Variants in NCKAP5 observed in about 807,000 individuals in gnomAD.
The protein encoded by NCKAP5 is NCK associated protein 5, also known as nck-associated protein 5.
A neutral mutation model predicts 167.0 loss-of-function variants in NCKAP5; 92 were observed. The ratio of observed to expected loss-of-function variants is 0.55; its 90% CI spans 0.47 to 0.66. The LOEUF is 0.66. NCKAP5 is among the 30% of genes least tolerant of loss of function. The pLI is 0.00. For synonymous variants in NCKAP5, 891 were observed against 877.4 expected (o/e 1.02, Z -0.27); for missense variants, 2,378 against 2,315.0 (o/e 1.03, Z -0.56).
intron 3 of NCKAP5, among the ~76,000 whole-genome samples, chr2:133,330,244 ATTTTT>A (rs765058418): frequency 1.1e-5 from 1 of 88,168 alleles, no homozygotes; most frequent in Admixed American, 1.7e-4. Context: ...TATTTTTTGT[ATTTTT>A]TTTTTTTTTT....
intron 3 of NCKAP5, among the ~76,000 whole-genome samples, chr2:133,403,887 A>ATG (rs138024785): frequency 0.28 from 41,691 of 148,090 alleles, 5,972 homozygotes; most frequent in African/African-American, 0.38. Context: ...AGTCAGGTGG[A>ATG]TGTGTGTGTG....
intron 8 of NCKAP5, among the ~76,000 whole-genome samples, chr2:132,919,317 G>A (rs1387015267): frequency 6.6e-6 from 1 of 152,138 alleles, no homozygotes; most frequent in Non-Finnish European, 1.5e-5. Flanking sequence ...AGAATACCAA[G>A]ATTATAGTAC....
intron 3 of NCKAP5, among the ~76,000 whole-genome samples, chr2:133,374,630 G>A (rs1456148535): frequency 6.6e-6 from 1 of 151,854 alleles, no homozygotes; most frequent in African/African-American, 2.4e-5. Flanking sequence ...CAGTGGGTGG[G>A]GGATATTGGT....
At chr2:132,812,125 T>A (rs1454070919) in intron 11 of NCKAP5, among the ~76,000 whole-genome samples, 1 of 152,122 alleles carries the variant, frequency 6.6e-6, no homozygotes, top group Non-Finnish European at 1.5e-5. Context: ...ATTTGGGGCA[T>A]CTCCTGGGTC....
chr2:132,730,474 G>A (rs1311641749), intron 17 of NCKAP5, among the ~76,000 whole-genome samples: 1 of 152,172 alleles, frequency 6.6e-6, no homozygotes, highest in Admixed American at 6.5e-5. Flanking sequence ...CAGCCTGGGC[G>A]ACGGAGTGAG....
chr2:132,827,746 T>G (rs1687232894), intron 11 of NCKAP5, among the ~76,000 whole-genome samples: 1 of 152,176 alleles, frequency 6.6e-6, no homozygotes, highest in Non-Finnish European at 1.5e-5. Flanking sequence ...GTTCATAGGA[T>G]TCTCGGTCTG....
intron 4 of NCKAP5, among the ~76,000 whole-genome samples, chr2:133,261,431 A>T (rs908895341): frequency 3.9e-5 from 6 of 152,218 alleles, no homozygotes; most frequent in African/African-American, 1.4e-4. Flanking sequence ...TATTTCACAG[A>T]TATCAATACT....
intron 6 of NCKAP5, among the ~76,000 whole-genome samples, chr2:133,061,222 A>G (rs1355297721): frequency 6.6e-6 from 1 of 152,232 alleles, no homozygotes; most frequent in African/African-American, 2.4e-5. Flanking sequence ...AACTTAGTTG[A>G]TAAAGCAGTG....
At chr2:132,933,876 C>G (rs747293802) in intron 8 of NCKAP5, among the ~76,000 whole-genome samples, 4 of 152,152 alleles carry the variant, frequency 2.6e-5, no homozygotes, top group Non-Finnish European at 5.9e-5. Context: ...ACAACAATAG[C>G]TCTAATTTAA....
intron 7 of NCKAP5, among the ~76,000 whole-genome samples, chr2:132,979,953 C>T (rs2077082202): frequency 6.6e-6 from 1 of 151,672 alleles, no homozygotes; most frequent in Non-Finnish European, 1.5e-5. Flanking sequence ...TCAGCCAAGC[C>T]TTGCAGTACA....
chr2:133,385,566 T>C (rs2150966641), intron 3 of NCKAP5, among the ~76,000 whole-genome samples: 1 of 152,352 alleles, frequency 6.6e-6, no homozygotes, highest in South Asian at 2.1e-4. Flanking sequence ...CCTCATAAAA[T>C]GAGTTAGGGA....
At chr2:132,742,091 C>G (rs896607676) in intron 16 of NCKAP5, among the ~76,000 whole-genome samples, 2 of 152,154 alleles carry the variant, frequency 1.3e-5, no homozygotes, top group Non-Finnish European at 2.9e-5. Context: ...CAACAATCTA[C>G]TCATGCCCAT....
chr2:132,827,839 T>C (rs1687239104), intron 11 of NCKAP5, among the ~76,000 whole-genome samples: 1 of 152,314 alleles, frequency 6.6e-6, no homozygotes, highest in African/African-American at 2.4e-5. Context: ...TTAAATGTAT[T>C]TCAGCTGAGT....
rs187507012 is a variant in NCKAP5 at position 132,895,138 on chromosome 2, T to C, written c.580-16222A>G. Among the ~76,000 whole-genome samples the C allele has an allele frequency of 7.7e-4, 117 of 152,086 alleles. 2 individuals are homozygous for C. Among genetic ancestry groups the C allele is most frequent in the African/African-American group, 2.2e-3 (93 of 41,518 alleles). Reference sequence around the variant, plus strand: ...CAAGGTCAGGAGATGGAGACCTTCCTGGCTAACACGGTGAAACCCCGTCTC... The same window carrying C: ...CAAGGTCAGGAGATGGAGACCTTCCCGGCTAACACGGTGAAACCCCGTCTC... On this transcript the variant is annotated intron_variant, in intron 8 of 19. Coordinates refer to ENST00000409261, the MANE Select transcript of NCKAP5 (RefSeq NM_207363.3).
intron 19 of NCKAP5, 118 bp downstream of exon 19, chr2:132,725,509 G>C (rs955083508): frequency 8.1e-7 from 1 of 1,242,144 alleles, no homozygotes; most frequent in Non-Finnish European, 1.1e-6. Context: ...GATCTCAGGA[G>C]AGACATGAAG....
At chr2:133,429,777 T>C (rs920955939) in intron 3 of NCKAP5, among the ~76,000 whole-genome samples, 7 of 152,116 alleles carry the variant, frequency 4.6e-5, no homozygotes, top group African/African-American at 1.2e-4. Context: ...GATGAACACA[T>C]GGCAATACAG....
chr2:133,446,420 C>G (rs1049071257), intron 3 of NCKAP5, among the ~76,000 whole-genome samples: 1 of 152,140 alleles, frequency 6.6e-6, no homozygotes, highest in African/African-American at 2.4e-5. Context: ...GTTGCTAAGC[C>G]CTTTTCGTGT....
At chr2:133,543,549 T>G (rs1686404187) in intron 2 of NCKAP5, among the ~76,000 whole-genome samples, 1 of 152,212 alleles carries the variant, frequency 6.6e-6, no homozygotes, top group African/African-American at 2.4e-5. Context: ...TTCAGTCTGA[T>G]ATTATCACTC....
chr2:133,567,478 T>C (rs1310334607), intron 1 of NCKAP5, among the ~76,000 whole-genome samples: 2 of 152,174 alleles, frequency 1.3e-5, no homozygotes, highest in African/African-American at 4.8e-5. Flanking sequence ...TGTATACCGA[T>C]CTAGCTCAGT....
Sources: allele counts gnomAD v4.1 joint callset (sites outside exome capture counted in the v4.1 genomes callset), GRCh38; gene constraint gnomAD v4.1.1; transcripts MANE v1.5; gene names NCBI Gene and HGNC (gene_info 2026-07-23, HGNC 2026-07-21).